PRDM5: variants seen among roughly 807,000 people sequenced by gnomAD.
The protein encoded by PRDM5 is PR/SET domain 5, also known as PR domain zinc finger protein 5.
PRDM5 carries 56 observed loss-of-function variants against 81.2 expected under a neutral mutation model. The observed-to-expected ratio is 0.69, with a 90% confidence interval of 0.56 to 0.86. The LOEUF (loss-of-function observed/expected upper bound fraction) is 0.86. Ranked by LOEUF, PRDM5 falls within the 40% of genes least tolerant of loss-of-function variation. The probability of loss-of-function intolerance (pLI) is 0.00; values close to 1 mark genes in which losing one functional copy is unlikely to be tolerated. For synonymous variants in PRDM5, 267 were observed against 256.4 expected, an observed-to-expected ratio of 1.04 and a Z score of -0.39; for missense variants, 697 against 770.1, an observed-to-expected ratio of 0.91 and a Z score of 1.12.
chr4:120,875,969 G>A (rs761340509), intron 2 of PRDM5, among the ~76,000 whole-genome samples: 2 of 152,152 alleles, frequency 1.3e-5, no homozygotes, highest in Non-Finnish European at 2.9e-5. Context: ...TTTGTAAAAT[G>A]ACAACTGGCT....
chr4:120,884,138 C>G (rs1179037400), intron 2 of PRDM5, among the ~76,000 whole-genome samples: 1 of 152,074 alleles, frequency 6.6e-6, no homozygotes, highest in African/African-American at 2.4e-5. Context: ...ATAAGAGTTA[C>G]TTTAAAAGAT....
intron 8 of PRDM5, among the ~76,000 whole-genome samples, chr4:120,805,063 C>T (rs1361628014): frequency 6.6e-6 from 1 of 152,186 alleles, no homozygotes; most frequent in Non-Finnish European, 1.5e-5. Context: ...TCAGATAATA[C>T]TATCAACGCC....
At chr4:120,837,336 T>C (rs1757477054) in intron 3 of PRDM5, 1 of 152,228 alleles carries the variant, frequency 6.6e-6, no homozygotes, top group Non-Finnish European at 1.5e-5. Flanking sequence ...TTTTTTCTGT[T>C]TTGTTTTTAC....
intron 13 of PRDM5, among the ~76,000 whole-genome samples, chr4:120,765,592 C>T (rs1746263844): frequency 6.6e-6 from 1 of 152,154 alleles, no homozygotes. Context: ...TACAGAGCTG[C>T]CCGCCAGGCA....
chr4:120,874,121 G>A (rs910822313), intron 2 of PRDM5, among the ~76,000 whole-genome samples: 7 of 151,958 alleles, frequency 4.6e-5, no homozygotes, highest in Non-Finnish European at 7.4e-5. Flanking sequence ...TTCAAAATGC[G>A]CCCTTCTAGC....
At chr4:120,917,401 A>C (rs1042347730) in intron 1 of PRDM5, among the ~76,000 whole-genome samples, 4 of 152,150 alleles carry the variant, frequency 2.6e-5, no homozygotes, top group Admixed American at 1.3e-4. Context: ...TTTTCTGCCA[A>C]GTCAACCATA....
At position 120,874,539 on chromosome 4, in the gene PRDM5, GA is replaced by G. The variant is rs1341982816; in HGVS notation, c.178-21000del. On this transcript the variant is annotated intron_variant, in intron 2 of 15. Coordinates refer to ENST00000264808, the MANE Select transcript of PRDM5 (RefSeq NM_018699.4). Reference sequence around the variant, plus strand: ...TGGTTTCAATTTTCACAAGATTCCTGAAAAAAACTCTTAGTTCACTAAGAAA... The same window carrying G: ...TGGTTTCAATTTTCACAAGATTCCTGAAAAAACTCTTAGTTCACTAAGAAA... 4.6e-5 allele frequency among the ~76,000 whole-genome samples: 7 copies of G among 151,556 alleles called. 1 individual carries two copies. The South Asian group carries it at 1.0e-3, about 23-fold the overall frequency.
chr4:120,843,032 T>C (rs1190926585), intron 3 of PRDM5, among the ~76,000 whole-genome samples: 1 of 152,164 alleles, frequency 6.6e-6, no homozygotes, highest in Non-Finnish European at 1.5e-5. Flanking sequence ...AGAGGATTTC[T>C]GTAAGAAACA....
At chr4:120,865,854 C>T (rs1250021826) in intron 2 of PRDM5, among the ~76,000 whole-genome samples, 4 of 152,098 alleles carry the variant, frequency 2.6e-5, no homozygotes, top group South Asian at 4.1e-4. Flanking sequence ...CAAGAGTATC[C>T]ACCAGGACTT....
chr4:120,818,241 T>TGCGCGTGC (rs1368849786), intron 5 of PRDM5, 112 bp downstream of exon 5: 2 of 1,125,826 alleles, frequency 1.8e-6, no homozygotes, highest in African/African-American at 3.1e-5. Context: ...ACACAAAACA[T>TGCGCGTGC]GCGCGTGCGC....
chr4:120,907,619 C>G, intron 1 of PRDM5, 62 bp from the exon 2 acceptor site: 1 of 1,322,816 alleles, frequency 7.6e-7, no homozygotes, highest in Non-Finnish European at 1.1e-6. Context: ...CTAAAATAAA[C>G]GACTTTTTTC....
At chr4:120,777,862 A>G (rs1247477291) in intron 12 of PRDM5, among the ~76,000 whole-genome samples, 1 of 152,162 alleles carries the variant, frequency 6.6e-6, no homozygotes, top group Non-Finnish European at 1.5e-5. Context: ...CTAGGCATAA[A>G]CAATCACATG....
intron 10 of PRDM5, among the ~76,000 whole-genome samples, chr4:120,792,977 C>T (rs1750801658): frequency 1.3e-5 from 2 of 152,094 alleles, no homozygotes; most frequent in Non-Finnish European, 2.9e-5. Flanking sequence ...TTCAGTTACA[C>T]AGGATAAGTA....
At chr4:120,848,375 C>A (rs1337677256) in intron 3 of PRDM5, among the ~76,000 whole-genome samples, 1 of 152,062 alleles carries the variant, frequency 6.6e-6, no homozygotes, top group Non-Finnish European at 1.5e-5. Context: ...GGCATTACAA[C>A]ACAGGGGTTA....
At chr4:120,735,385 A>G (rs2149094697) in intron 14 of PRDM5, among the ~76,000 whole-genome samples, 1 of 152,296 alleles carries the variant, frequency 6.6e-6, no homozygotes, top group East Asian at 1.9e-4. Flanking sequence ...CATATGTTCA[A>G]ATGATAATGA....
At chr4:120,911,469 GA>G (rs2148694621) in intron 1 of PRDM5, among the ~76,000 whole-genome samples, 1 of 152,270 alleles carries the variant, frequency 6.6e-6, no homozygotes, top group East Asian at 1.9e-4. Context: ...AACTGTTTCT[GA>G]ATAAAGCAGA....
chr4:120,740,659 C>A (rs1741789130), intron 14 of PRDM5, among the ~76,000 whole-genome samples: 1 of 152,164 alleles, frequency 6.6e-6, no homozygotes, highest in African/African-American at 2.4e-5. Context: ...CTCTCAGATC[C>A]CATGGCCATC....
At chr4:120,785,763 C>G (rs1424658115) in intron 10 of PRDM5, among the ~76,000 whole-genome samples, 1 of 152,030 alleles carries the variant, frequency 6.6e-6, no homozygotes, top group Non-Finnish European at 1.5e-5. Context: ...AACTAAGGCT[C>G]AAAAAGTTGC....
At chr4:120,921,560 T>A (rs911700636) in intron 1 of PRDM5, among the ~76,000 whole-genome samples, 1 of 152,308 alleles carries the variant, frequency 6.6e-6, no homozygotes, top group South Asian at 2.1e-4. Context: ...GTGTCTCTAC[T>A]GCATCCTCTG....
Sources: gnomAD v4.1 joint callset for allele counts (sites outside exome capture counted in the v4.1 genomes callset) on GRCh38, gnomAD v4.1.1 for gene constraint, MANE v1.5 for transcripts, NCBI Gene and HGNC (gene_info 2026-07-23, HGNC 2026-07-21) for gene names.